The following NF1 variants were observed in gnomAD, a reference collection of about 807,000 sequenced individuals.
NF1 encodes neurofibromin.
In NF1, 122 loss-of-function variants were observed where a neutral mutation model predicts 325.7. That is an observed-to-expected ratio of 0.37 (90% CI 0.32 to 0.44). The LOEUF is 0.44. Among genes scored for constraint, NF1 ranks in the 20% least tolerant of loss-of-function variants. The pLI, the probability that NF1 is intolerant of heterozygous loss-of-function variation, is 1.00. For missense variants in NF1, 2,140 were observed against 3,415.4 expected (o/e 0.63, Z 9.31); for synonymous variants, 1,091 against 1,186.0 (o/e 0.92, Z 1.65).
In NF1 at chr17:31,268,400, G is replaced by A. The variant is rs1011420525; in HGVS notation, c.4835+3061G>A. On this transcript the variant is annotated intron_variant, in intron 36 of 57. Transcript: ENST00000358273. ...TCCCAGCACTTTGGGAGGCTGAGGCGGGCAGATCATGAGGTCAGGAGATCA... is the reference window on the plus strand; with the variant it reads ...TCCCAGCACTTTGGGAGGCTGAGGCAGGCAGATCATGAGGTCAGGAGATCA... Among the ~76,000 whole-genome samples, 12 of 151,948 alleles carry A rather than the reference G, an allele frequency of 7.9e-5. No homozygotes were observed. The Middle Eastern group carries it at 0.01, about 129-fold the overall frequency.
chr17:31,249,059 C>T lies in NF1; in HGVS notation c.4050C>T (p.Ile1350=), dbSNP rs758287711. ...LQMTEKFFHA[I]ISSSSEFPPQ... is the part of the protein sequence containing the mutation. ...TGACTGAAAAGTTCTTCCATGCCAT[C>T]ATCAGTTCCTCCTCAGAATTCCCCC... The change falls in exon 30 of 58, where the codon ATC becomes ATT. Residue 1350 remains isoleucine (I), a synonymous_variant. Transcript: ENST00000358273. 6.2e-7 allele frequency: 1 copy of T among 1,614,132 alleles called. No homozygotes were observed. The highest frequency in any genetic ancestry group is 1.1e-5 in the South Asian group (1 of 91,084).
At chr17:31,326,333 C>T in intron 37 of NF1, 81 bp downstream of exon 37, 1 of 1,366,174 alleles carries the variant, frequency 7.3e-7, no homozygotes, top group Non-Finnish European at 1.0e-6. Flanking sequence ...CCTAGGTGTC[C>T]TACCCCTATA....
At chr17:31,361,287 C>CA (rs1222453236) in intron 57 of NF1, 2 of 152,392 alleles carry the variant, frequency 1.3e-5, no homozygotes, top group Non-Finnish European at 2.9e-5. Context: ...ATTCGTAATG[C>CA]AACTTAGATT....
chr17:31,181,807 T>C (rs2066141437), intron 7 of NF1, 22 bp downstream of exon 7: 1 of 1,544,214 alleles, frequency 6.5e-7, no homozygotes, highest in African/African-American at 1.4e-5. Flanking sequence ...ATTGATTTTT[T>C]TTTTTTTTTT....
intron 1 of NF1, among the ~76,000 whole-genome samples, chr17:31,145,764 G>A (rs1916543469): frequency 6.6e-6 from 1 of 152,164 alleles, no homozygotes; most frequent in Admixed American, 6.5e-5. Context: ...TCTGACTAAA[G>A]GGAGATGAAG....
intron 36 of NF1, chr17:31,296,129 G>A: frequency 6.2e-7 from 1 of 1,611,016 alleles, no homozygotes; most frequent in Non-Finnish European, 8.5e-7. Flanking sequence ...ATGCAGATCA[G>A]TAAAGTGGTT....
intron 1 of NF1, among the ~76,000 whole-genome samples, chr17:31,150,246 A>T (rs1916837489): frequency 6.6e-6 from 1 of 152,038 alleles, no homozygotes; most frequent in Admixed American, 6.5e-5. Context: ...TGGATTTTAG[A>T]GTGTTGTAGG....
intron 48 of NF1, among the ~76,000 whole-genome samples, chr17:31,343,753 C>G (rs553150243): frequency 6.6e-6 from 1 of 151,148 alleles, no homozygotes; most frequent in Non-Finnish European, 1.5e-5. Context: ...CTTAGGAGTT[C>G]GAGACCAGCC....
chr17:31,286,434 C>T (rs558457470), intron 36 of NF1, among the ~76,000 whole-genome samples: 1 of 152,212 alleles, frequency 6.6e-6, no homozygotes, highest in East Asian at 1.9e-4. Context: ...CAAGGTGTCT[C>T]TAAGCTCATA....
intron 36 of NF1, among the ~76,000 whole-genome samples, chr17:31,306,628 T>G (rs571712259): frequency 4.6e-5 from 7 of 152,222 alleles, no homozygotes; most frequent in Admixed American, 4.6e-4. Flanking sequence ...TATTGCATAT[T>G]TTTAAAGAAT....
intron 37 of NF1, 124 bp downstream of exon 37, chr17:31,326,376 G>C (rs1003599730): frequency 3.2e-6 from 3 of 951,898 alleles, no homozygotes. Context: ...AGGCTGTCGC[G>C]GTGGCTCACG....
intron 11 of NF1, among the ~76,000 whole-genome samples, chr17:31,203,077 T>C (rs2066558656): frequency 6.6e-6 from 1 of 152,202 alleles, no homozygotes; most frequent in South Asian, 2.1e-4. Flanking sequence ...TTGTGAAATA[T>C]TTTTGTCTAC....
In NF1 at chr17:31,338,815, G is replaced by T. The variant is rs767166725; in HGVS notation, c.6921+10G>T. On this transcript the variant is annotated intron_variant, in intron 46 of 57. Coordinates refer to ENST00000358273, the MANE Select transcript of NF1 (RefSeq NM_001042492.3). ...GCCACTTCTTAATAAGGTAATTACTGTATAGAAAATGAGTGCATTCATTTT... is the reference window on the plus strand; with the variant it reads ...GCCACTTCTTAATAAGGTAATTACTTTATAGAAAATGAGTGCATTCATTTT... The T allele has an allele frequency of 1.3e-6, 2 of 1,558,700 alleles. No homozygotes were observed. The highest frequency in any genetic ancestry group is 4.5e-5 in the East Asian group (2 of 44,498).
In NF1 at chr17:31,197,397, G is replaced by A. The variant is rs377270638; in HGVS notation, c.889-3025G>A. ...TACCATTGGGATTTTGATAGGGATT[G>A]CATTGAATCTGTATATTGCTTTGGG... On this transcript the variant is annotated intron_variant, in intron 8 of 57. Coordinates refer to ENST00000358273, the MANE Select transcript of NF1 (RefSeq NM_001042492.3). Among the ~76,000 whole-genome samples the A allele has an allele frequency of 5.0e-5, 7 of 140,414 alleles. 1 individual carries two copies. Among genetic ancestry groups the A allele is most frequent in the African/African-American group, 1.6e-4 (6 of 37,472 alleles). 92.1% of individuals were successfully genotyped at this position (140,414 alleles called of 152,430 possible).
intron 30 of NF1, chr17:31,249,921 C>A (rs1227158164): frequency 2.1e-6 from 1 of 484,852 alleles, no homozygotes; most frequent in Admixed American, 2.3e-5. Context: ...ACACAGTTAT[C>A]AAAACCCATG....
At chr17:31,149,331 C>T (rs558736617) in intron 1 of NF1, among the ~76,000 whole-genome samples, 3 of 152,074 alleles carry the variant, frequency 2.0e-5, no homozygotes, top group African/African-American at 7.2e-5. Flanking sequence ...GAGACAGAGT[C>T]TTGCTCTGTT....
chr17:31,128,372 A>T (rs1915064445), intron 1 of NF1: 1 of 151,938 alleles, frequency 6.6e-6, no homozygotes, highest in Non-Finnish European at 1.5e-5. Context: ...TCATGTTGTT[A>T]GCTGGTTATT....
chr17:31,322,245 T>G (rs2069221384), intron 36 of NF1, among the ~76,000 whole-genome samples: 1 of 151,876 alleles, frequency 6.6e-6, no homozygotes, highest in Non-Finnish European at 1.5e-5. Context: ...TTGGGAGGGT[T>G]GACGCAGGCA....
chr17:31,150,648 T>A (rs893413959), intron 1 of NF1, among the ~76,000 whole-genome samples: 6 of 152,206 alleles, frequency 3.9e-5, no homozygotes, highest in African/African-American at 1.4e-4. Flanking sequence ...TTTTGATAAT[T>A]GTATTGTATC....
Sources: allele counts gnomAD v4.1 joint callset (sites outside exome capture counted in the v4.1 genomes callset), GRCh38; gene constraint gnomAD v4.1.1; transcripts MANE v1.5; gene names NCBI Gene and HGNC (gene_info 2026-07-23, HGNC 2026-07-21).